ZNF214: variants seen among roughly 807,000 people sequenced by gnomAD.
ZNF214 encodes zinc finger protein 214, also known as BWSCR2-associated zinc finger protein 1.
ZNF214 carries 43 observed loss-of-function variants against 53.9 expected under a neutral mutation model. The observed-to-expected ratio is 0.80, with a 90% CI of 0.63 to 1.03. The LOEUF is 1.03. Ranked by LOEUF, ZNF214 falls within the 50% of genes least tolerant of loss-of-function variation. ZNF214 has a pLI of 0.00. For missense variants in ZNF214, 724 were observed against 719.1 expected (o/e 1.01, Z -0.08); for synonymous variants, 217 against 229.5 (o/e 0.95, Z 0.49).
chr11:7,017,674 G>A (rs537646084), intron 1 of ZNF214, among the ~76,000 whole-genome samples: 2 of 152,068 alleles, frequency 1.3e-5, no homozygotes, highest in South Asian at 2.1e-4. Flanking sequence ...GGGAGGCTGA[G>A]GTTGCAGTGA....
chr11:7,000,178 T>C lies in ZNF214; in HGVS notation c.1505A>G (p.Glu502Gly). ...ACGCTGACTGAATCCCTTGCCACAC[T>C]CTTCACATTTGTAGGGTTTCTCTCC... ...HTGEKPYKCE[E>G]CGKGFSQRSH... Residue 502 changes from glutamate (E) to glycine (G), a missense_variant, in exon 3 of 3, where the codon GAG (glutamate) becomes GGG (glycine). Transcript: ENST00000278314. The C allele has an allele frequency of 6.2e-7, 1 of 1,613,336 alleles. No homozygotes were observed. Among genetic ancestry groups the C allele is most frequent in the South Asian group, 1.1e-5 (1 of 91,052 alleles).
rs550659554 is a variant in ZNF214 at position 7,015,478 on chromosome 11, G to A, written c.-21+4595C>T. ...TGTAATCCCAGCTACTTGGGAGGCT[G>A]AGGCATGAGAATCACTTTAACCTGG... On this transcript the variant is annotated intron_variant, in intron 1 of 2. Coordinates refer to ENST00000278314, the MANE Select transcript of ZNF214 (RefSeq NM_013249.4). Among the ~76,000 whole-genome samples, 7 of 152,106 alleles carry A rather than the reference G, an allele frequency of 4.6e-5. No homozygotes were observed. In the South Asian group the frequency reaches 8.3e-4, roughly 18 times the overall value.
chr11:7,004,339 TA>T (rs1292799178), intron 1 of ZNF214, among the ~76,000 whole-genome samples: 1 of 152,100 alleles, frequency 6.6e-6, no homozygotes, highest in African/African-American at 2.4e-5. Context: ...TTTTTTTCCT[TA>T]ATAAAGACAT....
chr11:7,017,939 T>C (rs896337137), intron 1 of ZNF214, among the ~76,000 whole-genome samples: 1 of 152,214 alleles, frequency 6.6e-6, no homozygotes, highest in African/African-American at 2.4e-5. Context: ...TACACTTCTA[T>C]ATACTGGGAA....
In ZNF214 at chr11:7,001,400, G is replaced by A. The variant is rs578193586; in HGVS notation, c.283C>T (p.Leu95Phe). 2 of 1,613,210 alleles carry A rather than the reference G, an allele frequency of 1.2e-6. No individual in the cohort carries two copies. The highest frequency in any genetic ancestry group is 2.7e-5 in the African/African-American group (2 of 74,950). ...ETVQGTDSKD[L>F]TQQDRSQCQE... The stretch of plus-strand genomic sequence containing the variant: ...CACTGGGAACGATCTTGCTGTGTGA[G>A]GTCTTTGGAATCTGTCCCTTGAACA... The change falls in exon 3 of 3, where the codon CTC (leucine) becomes TTC (phenylalanine). Residue 95 changes from leucine (L) to phenylalanine (F), a missense_variant. Physicochemically the swap from Leu to Phe is conservative, Grantham distance 22. Transcript: ENST00000278314.
rs747252179 is a variant in ZNF214 at position 7,000,295 on chromosome 11, ACT to A, written c.1386_1387del (p.Arg462SerfsTer12). The A allele has an allele frequency of 6.2e-6, 10 of 1,613,114 alleles. No homozygotes were observed. The Middle Eastern group carries it at 5.0e-4, about 80-fold the overall frequency. ...AGTATAGGGTTTCTCCCCTGTATGG[ACT>A]CTCTGATGAATGCGAAGATCTGAGC... On this transcript the variant is annotated frameshift_variant, in exon 3 of 3. Transcript: ENST00000278314. LOFTEE classifies it high-confidence loss of function.
chr11:7,009,714 TTAAAC>T (rs1303222658), intron 1 of ZNF214, among the ~76,000 whole-genome samples: 2 of 151,886 alleles, frequency 1.3e-5, no homozygotes, highest in Non-Finnish European at 2.9e-5. Context: ...GATGAAGAAT[TTAAAC>T]AAATTAACAG....
chr11:7,000,299 T>C lies in ZNF214; in HGVS notation c.1384A>G (p.Arg462Gly). 1 of 1,613,394 alleles carries C rather than the reference T, an allele frequency of 6.2e-7. No homozygotes were observed. Among genetic ancestry groups the C allele is most frequent in the Non-Finnish European group, 8.5e-7 (1 of 1,179,584 alleles). Reference sequence around the variant, plus strand: ...TAGGGTTTCTCCCCTGTATGGACTCTCTGATGAATGCGAAGATCTGAGCTG... The same window carrying C: ...TAGGGTTTCTCCCCTGTATGGACTCCCTGATGAATGCGAAGATCTGAGCTG... ...SHSSDLRIHQ[R>G]VHTGEKPYTC... The change falls in exon 3 of 3, where the codon AGA (arginine) becomes GGA (glycine). Residue 462 changes from arginine to glycine, a missense_variant. Physicochemically the swap from Arg to Gly is moderately radical, Grantham distance 125 (BLOSUM62 -2). Coordinates refer to ENST00000278314, the MANE Select transcript of ZNF214 (RefSeq NM_013249.4).
At position 7,002,845 on chromosome 11, in the gene ZNF214, G is replaced by A; in HGVS notation, c.-10C>T. On this transcript the variant is annotated 5_prime_UTR_variant, in exon 2 of 3. Transcript: ENST00000278314. Reference sequence around the variant, plus strand: ...CAAATGTTACTGCCATCTGGTCAAAGATCAGGCTTTCTAGGAAAAAGAAAT... The same window carrying A: ...CAAATGTTACTGCCATCTGGTCAAAAATCAGGCTTTCTAGGAAAAAGAAAT... 1 of 1,583,636 alleles carries A rather than the reference G, an allele frequency of 6.3e-7. No homozygotes were observed.
chr11:7,006,615 GAGAA>G (rs955796739), intron 1 of ZNF214, among the ~76,000 whole-genome samples: 57 of 152,098 alleles, frequency 3.7e-4, no homozygotes, highest in African/African-American at 1.3e-3. Flanking sequence ...AAAGAGCACA[GAGAA>G]AGATTTCTGT....
Position 6,999,987 on chromosome 11 carries a change from T to A in ZNF214, c.1696A>T (p.Ser566Cys). Reference protein sequence around the residue: ...CAKCGKGFSHSSALRIHQRVH... With the variant: ...CAKCGKGFSHCSALRIHQRVH... ...CTTTGATGAATTCGAAGAGCTGAGCTATGACTGAAACCTTTACCACACTTA... is the reference window on the plus strand; with the variant it reads ...CTTTGATGAATTCGAAGAGCTGAGCAATGACTGAAACCTTTACCACACTTA... Residue 566 changes from serine to cysteine, a missense_variant, in exon 3 of 3, where the codon AGC (serine) becomes TGC (cysteine). Ser to Cys is a moderately radical substitution (Grantham distance 112). Coordinates refer to ENST00000278314, the MANE Select transcript of ZNF214 (RefSeq NM_013249.4). 6.2e-7 allele frequency: 1 copy of A among 1,613,324 alleles called. No homozygotes were observed. The highest frequency in any genetic ancestry group is 8.5e-7 in the Non-Finnish European group (1 of 1,179,522).
At position 7,009,220 on chromosome 11, in the gene ZNF214, AAAACAGACACATACACCAAT is replaced by A. The variant is rs556748785; in HGVS notation, c.-20-6385_-20-6366del. On this transcript the variant is annotated intron_variant, in intron 1 of 2. Coordinates refer to ENST00000278314, the MANE Select transcript of ZNF214 (RefSeq NM_013249.4). ...ACCAAAACAGCAGGGTACTGATATG[AAAACAGACACATACACCAAT>A]GGAACAGAATATAGAGCCCAGAAAA... 1.9e-4 allele frequency among the ~76,000 whole-genome samples: 28 copies of A among 148,498 alleles called. No homozygotes were observed. In the East Asian group the frequency reaches 5.3e-3, roughly 28 times the overall value.
In ZNF214 at chr11:6,998,384, G is replaced by A. The variant is rs1020868256; in HGVS notation, c.*1478C>T. On this transcript the variant is annotated 3_prime_UTR_variant, in exon 3 of 3. Transcript: ENST00000278314. ...TTTGATCATTGATTCTATGCCAAAT[G>A]TTCTTTCACCTTCCTTAGAGACACC... Among the ~76,000 whole-genome samples, 3 of 151,900 alleles carry A rather than the reference G, an allele frequency of 2.0e-5. No homozygotes were observed. The highest frequency in any genetic ancestry group is 4.4e-5 in the Non-Finnish European group (3 of 67,918).
At chr11:7,015,888 A>G (rs1851751807) in intron 1 of ZNF214, 1 of 152,220 alleles carries the variant, frequency 6.6e-6, no homozygotes, top group African/African-American at 2.4e-5. Context: ...ACAAGTAGAG[A>G]AGATCAATGG....
chr11:7,000,734 T>G lies in ZNF214; in HGVS notation c.949A>C (p.Ser317Arg). Reference sequence around the variant, plus strand: ...TGGACTCTTTGATGATTGTGAAGACTAGAGATCTGGCTGAAGCTCTTACCA... The same window carrying G: ...TGGACTCTTTGATGATTGTGAAGACGAGAGATCTGGCTGAAGCTCTTACCA... Reference protein sequence around the residue: ...ACGKSFSQISSLHNHQRVHTE... With the variant: ...ACGKSFSQISRLHNHQRVHTE... The change falls in exon 3 of 3, where the codon AGT becomes CGT. Residue 317 changes from serine (S) to arginine (R), a missense_variant. Coordinates refer to ENST00000278314, the MANE Select transcript of ZNF214 (RefSeq NM_013249.4). 4 of 1,610,834 alleles carry G rather than the reference T, an allele frequency of 2.5e-6. No individual in the cohort carries two copies. The highest frequency in any genetic ancestry group is 3.4e-6 in the Non-Finnish European group (4 of 1,179,210).
Position 6,999,319 on chromosome 11 carries a change from A to C in ZNF214, c.*543T>G, listed in dbSNP as rs16921077. 1,216 of 153,054 alleles carry C rather than the reference A, an allele frequency of 7.9e-3. 15 individuals are homozygous for C. The highest frequency in any genetic ancestry group is 0.027 in the African/African-American group (1,134 of 41,526). The allele number at this position is 153,054 out of a possible 1,614,324, so 9.5% of individuals were successfully genotyped here. A position where few individuals can be genotyped will look rare whatever the true frequency, so the allele number is the denominator to read the frequency against. ...ACTGTCTCAGACACAATGTCATACA[A>C]TGCTTTCCTATCTTTTATTAGGTGG... On this transcript the variant is annotated 3_prime_UTR_variant, in exon 3 of 3. Coordinates refer to ENST00000278314, the MANE Select transcript of ZNF214 (RefSeq NM_013249.4).
chr11:7,019,441 A>G (rs890439782), intron 1 of ZNF214, among the ~76,000 whole-genome samples: 1 of 152,238 alleles, frequency 6.6e-6, no homozygotes, highest in Non-Finnish European at 1.5e-5. Flanking sequence ...CTTAAATAGT[A>G]TCTATTCTCA....
chr11:7,014,435 C>G lies in ZNF214; in HGVS notation c.-21+5638G>C, dbSNP rs142342716. 3.3e-5 allele frequency among the ~76,000 whole-genome samples: 5 copies of G among 152,156 alleles called. No individual in the cohort carries two copies. In the East Asian group the frequency reaches 9.6e-4, roughly 29 times the overall value. Reference sequence around the variant, plus strand: ...AATGAACAGCTACATGAATCAACATCGATGCACTGTAAAATTTAGCATTAT... The same window carrying G: ...AATGAACAGCTACATGAATCAACATGGATGCACTGTAAAATTTAGCATTAT... On this transcript the variant is annotated intron_variant, in intron 1 of 2. Coordinates refer to ENST00000278314, the MANE Select transcript of ZNF214 (RefSeq NM_013249.4).
At chr11:7,017,547 G>C (rs1349809419) in intron 1 of ZNF214, among the ~76,000 whole-genome samples, 1 of 151,974 alleles carries the variant, frequency 6.6e-6, no homozygotes, top group Non-Finnish European at 1.5e-5. Flanking sequence ...GACCAGCCTG[G>C]GCAACACGGT....
Sources: allele counts gnomAD v4.1 joint callset (sites outside exome capture counted in the v4.1 genomes callset), GRCh38; gene constraint gnomAD v4.1.1; transcripts MANE v1.5; gene names NCBI Gene and HGNC (gene_info 2026-07-23, HGNC 2026-07-21).